Variants in TUBE1 observed in about 807,000 individuals in gnomAD.
The protein encoded by TUBE1 is tubulin epsilon 1, also known as tubulin epsilon chain.
In TUBE1, 34 loss-of-function variants were observed where a neutral mutation model predicts 53.5. That is an observed-to-expected ratio of 0.64 (90% confidence interval 0.48 to 0.85). The LOEUF is 0.85. Among genes scored for constraint, TUBE1 ranks in the 40% least tolerant of loss-of-function variants. The pLI, the probability that TUBE1 is intolerant of heterozygous loss-of-function variation, is 0.00. For missense variants in TUBE1, 532 were observed against 570.5 expected (o/e 0.93, Z 0.69); for synonymous variants, 177 against 198.4 (o/e 0.89, Z 0.91).
At chr6:112,084,719 C>T (rs1777121707) in intron 3 of TUBE1, among the ~76,000 whole-genome samples, 1 of 152,194 alleles carries the variant, frequency 6.6e-6, no homozygotes, top group Admixed American at 6.5e-5. Flanking sequence ...CCTAGAACAT[C>T]TGATTTGCAG....
At chr6:112,074,913 C>T (rs1776932900) in intron 8 of TUBE1, 63 bp from the exon 9 acceptor site, 4 of 1,177,632 alleles carry the variant, frequency 3.4e-6, no homozygotes, top group Non-Finnish European at 4.6e-6. Context: ...TTAAATGTAG[C>T]TCGATTTATT....
At chr6:112,079,124 G>T (rs782248526) in intron 6 of TUBE1, among the ~76,000 whole-genome samples, 2 of 151,902 alleles carry the variant, frequency 1.3e-5, no homozygotes, top group African/African-American at 4.8e-5. Flanking sequence ...TGTAATAAAT[G>T]ATCTAAAGGA....
chr6:112,084,168 A>C (rs1554317071), intron 4 of TUBE1, 21 bp downstream of exon 4: 1 of 1,562,878 alleles, frequency 6.4e-7, no homozygotes. Flanking sequence ...TAATATAAGA[A>C]TCCAAGCATA....
Position 112,087,317 on chromosome 6 carries a change from A to C in TUBE1, c.26-11T>G. The C allele has an allele frequency of 2.6e-6, 4 of 1,552,008 alleles. No homozygotes were observed. Among genetic ancestry groups the C allele is most frequent in the Non-Finnish European group, 3.5e-6 (4 of 1,147,204 alleles). Reference sequence around the variant, plus strand: ...TTCCGCACTGGCCGACTGCGACCGGAGGAGAGGAAGGAAAGAGAATAGGAC... The same window carrying C: ...TTCCGCACTGGCCGACTGCGACCGGCGGAGAGGAAGGAAAGAGAATAGGAC... On this transcript the variant is annotated splice_polypyrimidine_tract_variant and intron_variant, in intron 1 of 11. Transcript: ENST00000368662.
chr6:112,087,378 G>A (rs200986359), intron 1 of TUBE1, 32 bp downstream of exon 1: 5 of 1,551,228 alleles, frequency 3.2e-6, no homozygotes, highest in Admixed American at 2.0e-5. Flanking sequence ...ATTCCGCGGC[G>A]ACCAGGTCTC....
rs1776971550 is a variant in TUBE1 at position 112,076,487 on chromosome 6, T to C, written c.471A>G (p.Thr157=). The part of the protein sequence containing the change: ...MGGGTGSGLG[T]FLLKVLEDEF... Reference sequence around the variant, plus strand: ...CGTCTTCAAGCACCTTTAAAAGAAATGTGCCAAGTCCAGATCCTGTTCCTG... The same window carrying C: ...CGTCTTCAAGCACCTTTAAAAGAAACGTGCCAAGTCCAGATCCTGTTCCTG... Residue 157 remains threonine (T), a synonymous_variant, in exon 7 of 12, where the codon ACA becomes ACG. Coordinates refer to ENST00000368662, the MANE Select transcript of TUBE1 (RefSeq NM_016262.5). 3 of 1,609,474 alleles carry C rather than the reference T, an allele frequency of 1.9e-6. No individual in the cohort carries two copies. The highest frequency in any genetic ancestry group is 1.1e-5 in the South Asian group (1 of 89,952).
At chr6:112,087,000 A>G in intron 2 of TUBE1, 1 of 562,340 alleles carries the variant, frequency 1.8e-6, no homozygotes, top group Non-Finnish European at 3.1e-6. Context: ...ACGAACACCA[A>G]TAAAGAGGAG....
Position 112,076,128 on chromosome 6 carries a change from C to A in TUBE1, c.637-16G>T. 6.2e-7 allele frequency: 1 copy of A among 1,603,494 alleles called. No homozygotes were observed. The highest frequency in any genetic ancestry group is 8.5e-7 in the Non-Finnish European group (1 of 1,173,346). ...CAAATAAAGACTTTTGAGGGAAAAACATTGGGAGAGAAGCTATTAAGAAGA... is the reference window on the plus strand; with the variant it reads ...CAAATAAAGACTTTTGAGGGAAAAAAATTGGGAGAGAAGCTATTAAGAAGA... On this transcript the variant is annotated splice_polypyrimidine_tract_variant and intron_variant, in intron 7 of 11. Transcript: ENST00000368662.
intron 4 of TUBE1, among the ~76,000 whole-genome samples, chr6:112,083,432 C>T (rs1437628439): frequency 2.6e-5 from 4 of 151,616 alleles, no homozygotes; most frequent in Non-Finnish European, 5.9e-5. Flanking sequence ...CATTTTCCTG[C>T]CTCAGCCTCC....
intron 9 of TUBE1, among the ~76,000 whole-genome samples, chr6:112,073,592 C>A (rs587696457): frequency 8.5e-5 from 13 of 152,236 alleles, no homozygotes; most frequent in Non-Finnish European, 1.3e-4. Flanking sequence ...TTGTTAAGGT[C>A]ATCAGCATCC....
At chr6:112,076,242 C>T (rs1624814) in intron 7 of TUBE1, 80 bp downstream of exon 7, 401,814 of 1,459,288 alleles carry the variant, frequency 0.28, 57,728 homozygotes, top group African/African-American at 0.46. Flanking sequence ...GTGAAGAGAA[C>T]GTTTCATATA....
intron 4 of TUBE1, among the ~76,000 whole-genome samples, chr6:112,083,318 AC>A (rs1393543343): frequency 1.4e-5 from 2 of 148,124 alleles, no homozygotes; most frequent in African/African-American, 5.1e-5. Context: ...TCCTTCCATA[AC>A]ATTTTTTTTT....
chr6:112,072,618 C>T (rs962839403), intron 10 of TUBE1, 140 bp downstream of exon 10: 2 of 755,742 alleles, frequency 2.6e-6, no homozygotes, highest in Admixed American at 3.0e-5. Context: ...AAACAAGGCA[C>T]AAAGAGACTA....
Position 112,071,067 on chromosome 6 carries a change from T to C in TUBE1, c.*345A>G. ...ATATCAAAATATAAATTATAAATAA[T>C]TATAAAAATATATCTGTACAAGATT... On this transcript the variant is annotated 3_prime_UTR_variant, in exon 12 of 12. Coordinates refer to ENST00000368662, the MANE Select transcript of TUBE1 (RefSeq NM_016262.5). 1 of 152,330 alleles carries C rather than the reference T, an allele frequency of 6.6e-6. No individual in the cohort carries two copies. The highest frequency in any genetic ancestry group is 1.5e-5 in the Non-Finnish European group (1 of 68,208). The allele number at this position is 152,330 out of a possible 1,614,324, so 9.4% of individuals were successfully genotyped here.
rs1554315395 is a variant in TUBE1, at chr6:112,071,945, A to G, written c.1226T>C (p.Phe409Ser). 6.2e-7 allele frequency: 1 copy of G among 1,611,180 alleles called. No individual in the cohort carries two copies. The highest frequency in any genetic ancestry group is 8.5e-7 in the Non-Finnish European group (1 of 1,179,234). The stretch of plus-strand genomic sequence containing the variant: ...CATGAATCTCTCTTTCAGTTCCATG[A>G]AGGTGGGCTTCACACATGTGTTATT... ...LANNTCVKPT[F>S]MELKERFMRL... The change falls in exon 11 of 12, where the codon TTC (phenylalanine) becomes TCC (serine). Residue 409 changes from phenylalanine to serine, a missense_variant. Transcript: ENST00000368662.
At chr6:112,087,173 T>C in intron 2 of TUBE1, 60 bp downstream of exon 2, 2 of 1,422,116 alleles carry the variant, frequency 1.4e-6, no homozygotes, top group Non-Finnish European at 9.6e-7. Flanking sequence ...GATTATTTCC[T>C]GCGTATGGGC....
In TUBE1 at chr6:112,071,168, T is replaced by A; in HGVS notation, c.*244A>T. ...ACAGCAAAATATTCAAGAACTATGT[T>A]ATCTCAATTTTAGAAAAGGGAACTT... On this transcript the variant is annotated 3_prime_UTR_variant, in exon 12 of 12. Coordinates refer to ENST00000368662, the MANE Select transcript of TUBE1 (RefSeq NM_016262.5). The A allele has an allele frequency of 2.8e-6, 1 of 363,282 alleles. No homozygotes were observed. The highest frequency in any genetic ancestry group is 4.9e-6 in the Non-Finnish European group (1 of 202,472). 22.5% of individuals were successfully genotyped at this position (363,282 alleles called of 1,614,324 possible). A position where few individuals can be genotyped will look rare whatever the true frequency, so the allele number is the denominator to read the frequency against.
chr6:112,084,097 GA>G, intron 4 of TUBE1, 91 bp downstream of exon 4: 1 of 1,060,440 alleles, frequency 9.4e-7, no homozygotes, highest in Non-Finnish European at 1.4e-6. Flanking sequence ...TTTCTACTTT[GA>G]AAAGTTTAAA....
chr6:112,087,175 C>T, intron 2 of TUBE1, 58 bp downstream of exon 2: 2 of 1,430,058 alleles, frequency 1.4e-6, no homozygotes, highest in Non-Finnish European at 1.9e-6. Flanking sequence ...TTATTTCCTG[C>T]GTATGGGCTG....
Sources: allele counts gnomAD v4.1 joint callset (sites outside exome capture counted in the v4.1 genomes callset), GRCh38; gene constraint gnomAD v4.1.1; transcripts MANE v1.5; gene names NCBI Gene and HGNC (gene_info 2026-07-23, HGNC 2026-07-21).